ZCRB1: variants seen among roughly 807,000 people sequenced by gnomAD.
ZCRB1 encodes the protein zinc finger CCHC-type and RNA binding motif containing 1, also known as zinc finger CCHC-type and RNA-binding motif-containing protein 1.
In ZCRB1, 21 loss-of-function variants were observed where a neutral mutation model predicts 29.9. The observed-to-expected ratio is 0.70, with a 90% CI of 0.50 to 1.01. The LOEUF (loss-of-function observed/expected upper bound fraction) is 1.01, where lower values mean the gene tolerates loss of function less well. Among genes scored for constraint, ZCRB1 ranks in the 50% least tolerant of loss-of-function variants. The probability of loss-of-function intolerance (pLI) is 0.00; values close to 1 mark genes in which losing one functional copy is unlikely to be tolerated. For synonymous variants in ZCRB1, 77 were observed against 80.0 expected (o/e 0.96, Z 0.20); for missense variants, 204 against 253.3 (o/e 0.81, Z 1.32).
chr12:42,323,998 C>G, intron 2 of ZCRB1, 21 bp downstream of exon 2: 1 of 1,593,020 alleles, frequency 6.3e-7, no homozygotes, highest in East Asian at 2.2e-5. Context: ...AAATAGCAGT[C>G]ACTCGATAAG....
intron 3 of ZCRB1, among the ~76,000 whole-genome samples, chr12:42,320,125 C>A (rs2068614448): frequency 2.0e-5 from 3 of 152,172 alleles, no homozygotes; most frequent in Non-Finnish European, 2.9e-5. Flanking sequence ...GATAATAGCA[C>A]CATTTCCTAA....
intron 3 of ZCRB1, 97 bp downstream of exon 3, chr12:42,322,317 TCAAG>T: frequency 8.8e-7 from 1 of 1,136,426 alleles, no homozygotes; most frequent in Non-Finnish European, 1.2e-6. Context: ...CTTTATTATA[TCAAG>T]CATGTTTTAT....
intron 5 of ZCRB1, among the ~76,000 whole-genome samples, chr12:42,317,045 A>G (rs1374304266): frequency 6.6e-6 from 1 of 152,040 alleles, no homozygotes; most frequent in Non-Finnish European, 1.5e-5. Flanking sequence ...TGCCTCTACA[A>G]AAAAATTTAA....
Position 42,313,960 on chromosome 12 carries a change from A to G in ZCRB1, c.360T>C (p.Cys120=). 1 of 1,601,560 alleles carries G rather than the reference A, an allele frequency of 6.2e-7. No individual in the cohort carries two copies. The highest frequency in any genetic ancestry group is 1.4e-5 in the African/African-American group (1 of 73,652). The change falls in exon 6 of 8, where the codon TGT becomes TGC. Residue 120 remains cysteine, a synonymous_variant. Transcript: ENST00000266529. ...CGESGHLSYA[C]PKNMLGEREP... ...CACGTTCTCCGAGCATATTTTTCGGACAGGCATAACTTAAGTGTCCACTTT... is the reference window on the plus strand; with the variant it reads ...CACGTTCTCCGAGCATATTTTTCGGGCAGGCATAACTTAAGTGTCCACTTT...
chr12:42,312,315 G>C lies in ZCRB1; in HGVS notation c.*752C>G, dbSNP rs941653048. On this transcript the variant is annotated 3_prime_UTR_variant, in exon 8 of 8. Transcript: ENST00000266529. The stretch of plus-strand genomic sequence containing the variant: ...GGGAAGATTTAGTCATAAATACAAA[G>C]ACAATACATGGAAAAAAAATAGACA... The C allele has an allele frequency of 6.6e-6, 1 of 151,816 alleles. No individual in the cohort carries two copies. The highest frequency in any genetic ancestry group is 1.9e-4 in the East Asian group (1 of 5,188). The allele number at this position is 151,816 out of a possible 1,614,324, so 9.4% of individuals were successfully genotyped here.
chr12:42,318,134 A>G (rs1353136359), intron 3 of ZCRB1, among the ~76,000 whole-genome samples: 1 of 152,220 alleles, frequency 6.6e-6, no homozygotes, highest in African/African-American at 2.4e-5. Context: ...TTGAAGGGTG[A>G]AGTAAAGAAA....
intron 3 of ZCRB1, among the ~76,000 whole-genome samples, chr12:42,318,543 G>A (rs950824428): frequency 6.6e-6 from 1 of 152,170 alleles, no homozygotes; most frequent in African/African-American, 2.4e-5. Context: ...GGAGAGTTAT[G>A]AGAGCACAGA....
chr12:42,319,519 C>A (rs1015922199), intron 3 of ZCRB1, among the ~76,000 whole-genome samples: 2 of 152,182 alleles, frequency 1.3e-5, no homozygotes, highest in African/African-American at 4.8e-5. Context: ...AGTAGCATGG[C>A]CTGTATTTCC....
Position 42,316,878 on chromosome 12 carries a change from C to A in ZCRB1, c.333+462G>T, listed in dbSNP as rs186033516. Among the ~76,000 whole-genome samples, 58 of 152,266 alleles carry A rather than the reference C, an allele frequency of 3.8e-4. 2 individuals are homozygous for A. The highest frequency in any genetic ancestry group is 1.4e-3 in the African/African-American group (58 of 41,556). On this transcript the variant is annotated intron_variant, in intron 5 of 7. Coordinates refer to ENST00000266529, the MANE Select transcript of ZCRB1 (RefSeq NM_033114.4). ...CAACTCAGGTTATCTTTACACATTG[C>A]ATTTCAATTGAATTTACTTTGATGA...
Position 42,313,322 on chromosome 12 carries a change from A to T in ZCRB1, c.523-124T>A, listed in dbSNP as rs551146176. 1.5e-5 allele frequency: 16 copies of T among 1,053,386 alleles called. No homozygotes were observed. In the East Asian group the frequency reaches 4.0e-4, roughly 26 times the overall value. 65.3% of individuals were successfully genotyped at this position (1,053,386 alleles called of 1,614,324 possible). A position where few individuals can be genotyped will look rare whatever the true frequency, so the allele number is the denominator to read the frequency against. ...CTTCCCACCCTCCCAGTCCATGCAG[A>T]CAATAAGATCTGCTCCCTTCCCCTG... On this transcript the variant is annotated intron_variant, in intron 7 of 7. Transcript: ENST00000266529.
chr12:42,321,895 T>C (rs894098494), intron 3 of ZCRB1, among the ~76,000 whole-genome samples: 1 of 152,172 alleles, frequency 6.6e-6, no homozygotes, highest in African/African-American at 2.4e-5. Context: ...CCTGTTATCA[T>C]CCATTACCAT....
Position 42,313,906 on chromosome 12 carries a change from T to C in ZCRB1, c.414A>G (p.Lys138=), listed in dbSNP as rs1436619191. The C allele has an allele frequency of 6.2e-7, 1 of 1,603,934 alleles. No homozygotes were observed. The highest frequency in any genetic ancestry group is 2.2e-5 in the East Asian group (1 of 44,816). The change falls in exon 6 of 8, where the codon AAA becomes AAG. Residue 138 remains lysine (K), a synonymous_variant. Coordinates refer to ENST00000266529, the MANE Select transcript of ZCRB1 (RefSeq NM_033114.4). ...REPPKKKEKK[K]KKKAPEPEEE... ...CTTCTGGTTCAGGAGCTTTCTTTTT[T>C]TTCTTTTTTTCTTTCTTCTTTGGAG...
At chr12:42,324,726 T>C (rs779764753) in intron 1 of ZCRB1, among the ~76,000 whole-genome samples, 1 of 152,212 alleles carries the variant, frequency 6.6e-6, no homozygotes, top group Non-Finnish European at 1.5e-5. Context: ...AGTGCCAGAT[T>C]GTATGGGTAG....
At chr12:42,319,792 A>G (rs1439691749) in intron 3 of ZCRB1, among the ~76,000 whole-genome samples, 2 of 152,216 alleles carry the variant, frequency 1.3e-5, no homozygotes, top group African/African-American at 4.8e-5. Flanking sequence ...ATGTTGATTG[A>G]TAGATATACC....
rs1230079835 is a variant in ZCRB1 at position 42,324,079 on chromosome 12, A to C, written c.24T>G (p.Ser8Arg). The C allele has an allele frequency of 6.2e-7, 1 of 1,614,192 alleles. No individual in the cohort carries two copies. The highest frequency in any genetic ancestry group is 1.7e-5 in the Admixed American group (1 of 60,020). Residue 8 changes from serine (S) to arginine (R), a missense_variant, in exon 2 of 8, where the codon AGT becomes AGG. Transcript: ENST00000266529. ...AGTTGGATACATACACTGTGCTCTT[A>C]CTTGGAGCCAATCCACCACTCATTT... MSGGLAP[S>R]KSTVYVSNLP...
At chr12:42,322,169 T>C (rs1213581652) in intron 3 of ZCRB1, among the ~76,000 whole-genome samples, 4 of 152,182 alleles carry the variant, frequency 2.6e-5, no homozygotes, top group Non-Finnish European at 5.9e-5. Context: ...TTATAGCACA[T>C]GGAAAGACAT....
At chr12:42,322,565 C>A in intron 2 of ZCRB1, 119 bp from the exon 3 acceptor site, 1 of 1,085,224 alleles carries the variant, frequency 9.2e-7, no homozygotes. Context: ...AGCCTTCAGT[C>A]TATAAGACAG....
At chr12:42,321,398 A>G (rs906819986) in intron 3 of ZCRB1, among the ~76,000 whole-genome samples, 5 of 152,224 alleles carry the variant, frequency 3.3e-5, no homozygotes, top group Admixed American at 1.3e-4. Flanking sequence ...TTCATCATGT[A>G]TAATACTGAG....
chr12:42,324,114 A>C lies in ZCRB1; in HGVS notation c.-2-10T>G. ...AATCCACCACTCATTTCTAAAAGTG[A>C]AAACAAACTTATCAGCAATCAGTCT... is the stretch of plus-strand genomic sequence containing the variant. On this transcript the variant is annotated splice_polypyrimidine_tract_variant and intron_variant, in intron 1 of 7. Transcript: ENST00000266529. The C allele has an allele frequency of 6.2e-7, 1 of 1,611,854 alleles. No individual in the cohort carries two copies. Among genetic ancestry groups the C allele is most frequent in the Admixed American group, 1.7e-5 (1 of 60,010 alleles).
Sources: allele counts gnomAD v4.1 joint callset (sites outside exome capture counted in the v4.1 genomes callset), GRCh38; gene constraint gnomAD v4.1.1; transcripts MANE v1.5; gene names NCBI Gene and HGNC (gene_info 2026-07-23, HGNC 2026-07-21).